Variants in LUZP2 observed in about 807,000 individuals in gnomAD.
The protein encoded by LUZP2 is leucine zipper protein 2.
LUZP2 carries 52 observed loss-of-function variants against 51.6 expected under a neutral mutation model. The ratio of observed to expected loss-of-function variants is 1.01; its 90% confidence interval spans 0.81 to 1.27. The LOEUF (loss-of-function observed/expected upper bound fraction) is 1.27. Among genes scored for constraint, LUZP2 ranks in the 50% most tolerant of loss-of-function variants. LUZP2 has a pLI of 0.00. For missense variants in LUZP2, 436 were observed against 395.4 expected (o/e 1.10, Z -0.87); for synonymous variants, 154 against 137.3 (o/e 1.12, Z -0.85).
intron 9 of LUZP2, among the ~76,000 whole-genome samples, chr11:25,006,127 A>G (rs1369014403): frequency 6.6e-6 from 1 of 152,066 alleles, no homozygotes; most frequent in Non-Finnish European, 1.5e-5. Context: ...TTGGGCAAAA[A>G]TTATGTCTTT....
intron 7 of LUZP2, among the ~76,000 whole-genome samples, chr11:24,970,799 A>C (rs1359664245): frequency 1.3e-5 from 2 of 151,984 alleles, no homozygotes; most frequent in Non-Finnish European, 2.9e-5. Flanking sequence ...AACAAGTAAC[A>C]CCTCCTTGGA....
chr11:24,603,328 TC>T (rs1383265003), intron 1 of LUZP2, among the ~76,000 whole-genome samples: 2 of 151,888 alleles, frequency 1.3e-5, no homozygotes, highest in African/African-American at 2.4e-5. Context: ...GCTTGACTCA[TC>T]TTTTGAAGAG....
chr11:24,673,390 T>C (rs1856458194), intron 1 of LUZP2, among the ~76,000 whole-genome samples: 1 of 152,134 alleles, frequency 6.6e-6, no homozygotes, highest in Admixed American at 6.5e-5. Context: ...AACCAGTCCA[T>C]GTCCCTTCTC....
intron 1 of LUZP2, among the ~76,000 whole-genome samples, chr11:24,689,784 A>G (rs934939662): frequency 3.9e-5 from 6 of 152,090 alleles, no homozygotes; most frequent in Non-Finnish European, 8.8e-5. Flanking sequence ...TCCTGACCCA[A>G]AACTGTTCTT....
intron 6 of LUZP2, 84 bp from the exon 7 acceptor site, chr11:24,914,392 T>A (rs2133801674): frequency 9.9e-7 from 1 of 1,005,824 alleles, no homozygotes; most frequent in Non-Finnish European, 1.5e-6. Flanking sequence ...CAAAATGTAT[T>A]CCTGTGAAGT....
chr11:24,796,491 C>CTGTG (rs57329413), intron 5 of LUZP2, among the ~76,000 whole-genome samples: 52,632 of 124,190 alleles, frequency 0.42, 12,733 homozygotes, highest in Non-Finnish European at 0.54. Context: ...TAATAATAAT[C>CTGTG]TGTGTGTGTG....
At chr11:24,645,316 T>C (rs1034396238) in intron 1 of LUZP2, among the ~76,000 whole-genome samples, 1 of 152,190 alleles carries the variant, frequency 6.6e-6, no homozygotes, top group Non-Finnish European at 1.5e-5. Context: ...GTTGAACATA[T>C]TGTAGTCTAA....
chr11:24,869,498 C>T (rs892688578), intron 5 of LUZP2, among the ~76,000 whole-genome samples: 3 of 151,830 alleles, frequency 2.0e-5, no homozygotes, highest in East Asian at 1.9e-4. Context: ...CCTCTGTCGC[C>T]GAGGCTGGAG....
chr11:24,713,861 T>C (rs1164352532), intron 1 of LUZP2, among the ~76,000 whole-genome samples: 3 of 137,628 alleles, frequency 2.2e-5, no homozygotes, highest in African/African-American at 8.2e-5. Flanking sequence ...GCCATTTTTT[T>C]TTTTTTTTTT....
intron 1 of LUZP2, among the ~76,000 whole-genome samples, chr11:24,728,340 A>T (rs548003159): frequency 6.6e-6 from 1 of 152,074 alleles, no homozygotes; most frequent in Admixed American, 6.6e-5. Flanking sequence ...AGTTACACAT[A>T]CAGATACAGT....
intron 9 of LUZP2, among the ~76,000 whole-genome samples, chr11:24,984,338 A>G (rs558368492): frequency 2.6e-5 from 4 of 151,320 alleles, no homozygotes; most frequent in Admixed American, 2.0e-4. Context: ...AGTCATAAAT[A>G]ATAGAATGAA....
At chr11:24,547,403 A>C (rs545977395) in intron 1 of LUZP2, among the ~76,000 whole-genome samples, 54 of 152,176 alleles carry the variant, frequency 3.5e-4, no homozygotes, top group African/African-American at 1.3e-3. Context: ...GAGAACCCAA[A>C]AGTAAAGCTT....
chr11:24,524,645 A>G (rs1242293359), intron 1 of LUZP2, among the ~76,000 whole-genome samples: 1 of 151,710 alleles, frequency 6.6e-6, no homozygotes, highest in East Asian at 1.9e-4. Flanking sequence ...GAAGCAACCA[A>G]TAGTACAGTT....
At chr11:24,671,715 G>A (rs2134002991) in intron 1 of LUZP2, among the ~76,000 whole-genome samples, 1 of 152,132 alleles carries the variant, frequency 6.6e-6, no homozygotes, top group East Asian at 1.9e-4. Flanking sequence ...TTTTATGCAA[G>A]AGAATCTATG....
intron 9 of LUZP2, among the ~76,000 whole-genome samples, chr11:24,996,777 C>A (rs1391968819): frequency 2.0e-5 from 3 of 151,932 alleles, no homozygotes; most frequent in Non-Finnish European, 4.4e-5. Context: ...CCTCTCCCCA[C>A]CCCACAACAG....
chr11:24,512,370 A>C (rs1850338039), intron 1 of LUZP2, among the ~76,000 whole-genome samples: 1 of 152,224 alleles, frequency 6.6e-6, no homozygotes, highest in African/African-American at 2.4e-5. Flanking sequence ...ATAGATGCCA[A>C]ATAACTTATC....
intron 5 of LUZP2, among the ~76,000 whole-genome samples, chr11:24,881,237 C>A (rs531896695): frequency 6.6e-6 from 1 of 151,676 alleles, no homozygotes; most frequent in East Asian, 1.9e-4. Flanking sequence ...AACTGAGATG[C>A]CTTTGGTTTA....
intron 2 of LUZP2, among the ~76,000 whole-genome samples, chr11:24,730,620 A>G (rs1031100623): frequency 6.6e-6 from 1 of 151,824 alleles, no homozygotes; most frequent in Non-Finnish European, 1.5e-5. Context: ...TGGGAAGAAT[A>G]CAAAGAAACC....
chr11:24,767,846 C>T (rs1433804801), intron 5 of LUZP2, among the ~76,000 whole-genome samples: 1 of 152,126 alleles, frequency 6.6e-6, no homozygotes, highest in Non-Finnish European at 1.5e-5. Flanking sequence ...ATGAAAAATT[C>T]AACCTCCCTT....
Sources: gnomAD v4.1 joint callset for allele counts (sites outside exome capture counted in the v4.1 genomes callset) on GRCh38, gnomAD v4.1.1 for gene constraint, MANE v1.5 for transcripts, NCBI Gene and HGNC (gene_info 2026-07-23, HGNC 2026-07-21) for gene names.